The following OPCML variants were observed in gnomAD, a reference collection of about 807,000 sequenced individuals.
OPCML encodes opioid-binding protein/cell adhesion molecule.
OPCML carries 13 observed loss-of-function variants against 37.8 expected under a neutral mutation model. The ratio of observed to expected loss-of-function variants is 0.34; its 90% CI spans 0.22 to 0.55. OPCML has a LOEUF of 0.55. OPCML is among the 20% of genes least tolerant of loss of function. OPCML has a pLI of 0.91. For synonymous variants in OPCML, 176 were observed against 168.8 expected (o/e 1.04, Z -0.33); for missense variants, 341 against 435.6 (o/e 0.78, Z 1.93).
intron 1 of OPCML, among the ~76,000 whole-genome samples, chr11:133,010,581 G>A (rs528642439): frequency 6.6e-6 from 1 of 152,264 alleles, no homozygotes; most frequent in Admixed American, 6.5e-5. Context: ...GTGGTGATAT[G>A]GAAGGAAGTC....
intron 2 of OPCML, among the ~76,000 whole-genome samples, chr11:132,866,494 C>T (rs1371501582): frequency 6.6e-6 from 1 of 152,074 alleles, no homozygotes; most frequent in Non-Finnish European, 1.5e-5. Context: ...AGTTTTTTGT[C>T]GATTTTTGAC....
At chr11:132,422,565 C>T (rs562233031) in intron 7 of OPCML, among the ~76,000 whole-genome samples, 6 of 152,118 alleles carry the variant, frequency 3.9e-5, no homozygotes, top group East Asian at 3.9e-4. Context: ...TGACAACACA[C>T]GTTCACACCG....
At chr11:133,431,714 C>T (rs1946119778) in intron 1 of OPCML, among the ~76,000 whole-genome samples, 1 of 151,322 alleles carries the variant, frequency 6.6e-6, no homozygotes, top group African/African-American at 2.4e-5. Flanking sequence ...ATCCGCCAGC[C>T]TCAGCCTCCT....
intron 1 of OPCML, among the ~76,000 whole-genome samples, chr11:133,248,552 G>C (rs544139122): frequency 6.6e-6 from 1 of 152,222 alleles, no homozygotes; most frequent in African/African-American, 2.4e-5. Flanking sequence ...GTGTTAAATT[G>C]TTTCCCTGCA....
chr11:133,260,907 G>A (rs1293263788), intron 1 of OPCML, among the ~76,000 whole-genome samples: 1 of 151,826 alleles, frequency 6.6e-6, no homozygotes, highest in Non-Finnish European at 1.5e-5. Context: ...AAGAAGAAAA[G>A]AAGAGAAACA....
chr11:133,259,105 C>A (rs936967355), intron 1 of OPCML, among the ~76,000 whole-genome samples: 1 of 152,218 alleles, frequency 6.6e-6, no homozygotes, highest in Non-Finnish European at 1.5e-5. Flanking sequence ...ATTGTTCAAC[C>A]TTTCCTACCT....
chr11:132,774,447 G>A (rs1946746494), intron 2 of OPCML, among the ~76,000 whole-genome samples: 1 of 152,074 alleles, frequency 6.6e-6, no homozygotes, highest in Non-Finnish European at 1.5e-5. Context: ...TGTTACAAAT[G>A]ATGAAGTGGG....
At chr11:132,554,991 T>C (rs959887545) in intron 3 of OPCML, among the ~76,000 whole-genome samples, 1 of 143,420 alleles carries the variant, frequency 7.0e-6, no homozygotes, top group Non-Finnish European at 1.5e-5. Context: ...TCCTAAAAAG[T>C]CCTTAGGATG....
At chr11:132,883,483 A>C (rs1384886186) in intron 2 of OPCML, among the ~76,000 whole-genome samples, 1 of 152,180 alleles carries the variant, frequency 6.6e-6, no homozygotes, top group African/African-American at 2.4e-5. Context: ...GAAGAGAGGA[A>C]CAGCTCAGTG....
chr11:133,268,021 G>A (rs1435395869), intron 1 of OPCML, among the ~76,000 whole-genome samples: 2 of 152,176 alleles, frequency 1.3e-5, no homozygotes, highest in African/African-American at 4.8e-5. Context: ...CATCCAGTAG[G>A]TGCAGTTCCT....
In OPCML at chr11:132,540,845, A is replaced by G. The variant is rs2096354627; in HGVS notation, c.380-11659T>C. ...ATTTTTAATTTGCACAATTCAGACA[A>G]CTGACCATGATCAGAGGAACTGAAT... On this transcript the variant is annotated intron_variant, in intron 3 of 7. Coordinates refer to ENST00000524381, the MANE Select transcript of OPCML (RefSeq NM_001012393.5). Among the ~76,000 whole-genome samples the G allele has an allele frequency of 2.0e-5, 3 of 152,330 alleles. No homozygotes were observed. In the South Asian group the frequency reaches 6.2e-4, roughly 32 times the overall value.
intron 3 of OPCML, among the ~76,000 whole-genome samples, chr11:132,574,900 A>C (rs1272451367): frequency 6.6e-6 from 1 of 151,946 alleles, no homozygotes; most frequent in African/African-American, 2.4e-5. Context: ...TTCTCCTCTC[A>C]GTTCTGTCAA....
At chr11:133,419,706 G>GT (rs1056619713) in intron 1 of OPCML, among the ~76,000 whole-genome samples, 16 of 151,940 alleles carry the variant, frequency 1.1e-4, no homozygotes, top group Admixed American at 5.9e-4. Flanking sequence ...AGGCTTGACT[G>GT]TTTTTTTTAT....
chr11:132,647,888 C>A (rs1251387339), intron 3 of OPCML, among the ~76,000 whole-genome samples: 1 of 152,154 alleles, frequency 6.6e-6, no homozygotes, highest in African/African-American at 2.4e-5. Context: ...TTCTATTGCT[C>A]TTCAATTTCT....
chr11:133,150,453 T>A (rs370371906), intron 1 of OPCML, among the ~76,000 whole-genome samples: 1 of 152,336 alleles, frequency 6.6e-6, no homozygotes, highest in East Asian at 1.9e-4. Flanking sequence ...CCCTCTGTTT[T>A]CAGTTGCCAC....
chr11:132,924,116 G>GA (rs1014419840), intron 2 of OPCML, among the ~76,000 whole-genome samples: 4 of 109,604 alleles, frequency 3.6e-5, no homozygotes, highest in African/African-American at 1.1e-4. Context: ...ATCAACTGAG[G>GA]AAAAAAAACT....
rs2096339220 is a variant in OPCML at position 132,535,843 on chromosome 11, G to A, written c.380-6657C>T. On this transcript the variant is annotated intron_variant, in intron 3 of 7. Coordinates refer to ENST00000524381, the MANE Select transcript of OPCML (RefSeq NM_001012393.5). ...ACACCTGCTTATGGTTTGGGTGAAG[G>A]TATGGGTAAAACTCTGAGCTCAATC... 2.6e-5 allele frequency among the ~76,000 whole-genome samples: 4 copies of A among 152,276 alleles called. No homozygotes were observed. In the South Asian group the frequency reaches 8.3e-4, roughly 32 times the overall value.
At chr11:133,363,740 C>T (rs562033811) in intron 1 of OPCML, among the ~76,000 whole-genome samples, 1 of 152,160 alleles carries the variant, frequency 6.6e-6, no homozygotes, top group East Asian at 1.9e-4. Flanking sequence ...TGCGTGACCA[C>T]GACCCCCAAA....
intron 2 of OPCML, among the ~76,000 whole-genome samples, chr11:132,830,162 T>A (rs1451888811): frequency 6.6e-6 from 1 of 152,206 alleles, no homozygotes; most frequent in Non-Finnish European, 1.5e-5. Flanking sequence ...TGCTCCTTTA[T>A]ATTCATCAAT....
Sources: gnomAD v4.1 joint callset for allele counts (sites outside exome capture counted in the v4.1 genomes callset) on GRCh38, gnomAD v4.1.1 for gene constraint, MANE v1.5 for transcripts, NCBI Gene and HGNC (gene_info 2026-07-23, HGNC 2026-07-21) for gene names.